Variants in ASIC2 observed in about 807,000 individuals in gnomAD.
ASIC2 encodes acid-sensing ion channel 2.
Under a neutral mutation model 57.3 loss-of-function variants are expected in ASIC2, and 25 were observed. That is an observed-to-expected ratio of 0.44 (90% confidence interval 0.32 to 0.61). ASIC2 has a LOEUF of 0.61. Ranked by LOEUF, ASIC2 falls within the 20% of genes least tolerant of loss-of-function variation. The pLI is 0.06. For synonymous variants in ASIC2, 319 were observed against 307.5 expected, an observed-to-expected ratio of 1.04 and a Z score of -0.39; for missense variants, 641 against 738.1, an observed-to-expected ratio of 0.87 and a Z score of 1.52.
At position 34,144,460 on chromosome 17, in the gene ASIC2, G is replaced by A. The variant is rs140566281; in HGVS notation, c.555+11518C>T. ...TGTCAATATAGATTTCCAAAAAATC[G>A]TCTTGCTCCTGGATCTCCTGTCACT... On this transcript the variant is annotated intron_variant, in intron 1 of 9. Coordinates refer to the ASIC2 transcript ENST00000359872. Among the ~76,000 whole-genome samples the A allele has an allele frequency of 2.3e-3, 357 of 152,206 alleles. 1 individual carries two copies. The highest frequency in any genetic ancestry group is 8.1e-3 in the African/African-American group (337 of 41,518).
chr17:33,475,925 C>T lies in ASIC2; in HGVS notation c.556-363858G>A, dbSNP rs17249521. On this transcript the variant is annotated intron_variant, in intron 1 of 9. Transcript: ENST00000359872. Reference sequence around the variant, plus strand: ...TCTTGCAATTTTGATCCATTCTCCACGTCTAGCATCATTATAATTATCAAA... The same window carrying T: ...TCTTGCAATTTTGATCCATTCTCCATGTCTAGCATCATTATAATTATCAAA... Among the ~76,000 whole-genome samples, 1,398 of 152,268 alleles carry T rather than the reference C, an allele frequency of 9.2e-3. 54 individuals carry two copies. In the East Asian group the frequency reaches 0.098, roughly 11 times the overall value.
At chr17:33,674,450 G>A (rs1907747172) in intron 1 of ASIC2, among the ~76,000 whole-genome samples, 1 of 152,202 alleles carries the variant, frequency 6.6e-6, no homozygotes, top group African/African-American at 2.4e-5. Context: ...ATGATTGAAG[G>A]AATAACTGAA....
intron 1 of ASIC2, among the ~76,000 whole-genome samples, chr17:33,204,472 T>C (rs1906988718): frequency 6.6e-6 from 1 of 152,238 alleles, no homozygotes; most frequent in African/African-American, 2.4e-5. Context: ...GTCTACTGCC[T>C]GATATCCATT....
intron 1 of ASIC2, among the ~76,000 whole-genome samples, chr17:34,098,338 A>G (rs1910621568): frequency 6.6e-6 from 1 of 152,218 alleles, no homozygotes; most frequent in South Asian, 2.1e-4. Context: ...AAGTGAACAC[A>G]CCACAGTTCA....
At chr17:33,418,071 T>G (rs1910921559) in intron 1 of ASIC2, among the ~76,000 whole-genome samples, 1 of 142,140 alleles carries the variant, frequency 7.0e-6, no homozygotes, top group Non-Finnish European at 1.5e-5. Flanking sequence ...TGTGTGTGTG[T>G]GTGTGTGCAG....
At chr17:33,353,071 C>T (rs1349106202) in intron 1 of ASIC2, among the ~76,000 whole-genome samples, 2 of 152,134 alleles carry the variant, frequency 1.3e-5, no homozygotes, top group Non-Finnish European at 2.9e-5. Context: ...TCCCAGAGCC[C>T]AGCACAATAC....
chr17:33,452,306 C>A (rs1212020435), intron 1 of ASIC2, among the ~76,000 whole-genome samples: 1 of 152,234 alleles, frequency 6.6e-6, no homozygotes, highest in African/African-American at 2.4e-5. Context: ...GTTTCCAAAT[C>A]TGCAAGATGG....
chr17:33,765,227 T>C (rs1597867054), intron 1 of ASIC2, among the ~76,000 whole-genome samples: 2 of 151,990 alleles, frequency 1.3e-5, no homozygotes, highest in African/African-American at 2.4e-5. Flanking sequence ...TGCCTCAACC[T>C]CCCGAGTAGC....
chr17:33,407,379 A>G (rs1288182352), intron 1 of ASIC2, among the ~76,000 whole-genome samples: 2 of 152,228 alleles, frequency 1.3e-5, no homozygotes, highest in Admixed American at 6.5e-5. Flanking sequence ...AGGCACTCAT[A>G]TAATAACAAC....
chr17:33,979,254 C>T (rs1281858774), intron 1 of ASIC2, among the ~76,000 whole-genome samples: 3 of 152,176 alleles, frequency 2.0e-5, no homozygotes, highest in Admixed American at 6.5e-5. Context: ...ATTCACACTA[C>T]CTGCCTCTAT....
In ASIC2 at chr17:33,710,407, A is replaced by G. The variant is rs1908991331; in HGVS notation, c.555+445571T>C. Among the ~76,000 whole-genome samples, 3 of 152,210 alleles carry G rather than the reference A, an allele frequency of 2.0e-5. No individual in the cohort carries two copies. In the East Asian group the frequency reaches 5.8e-4, roughly 29 times the overall value. The stretch of plus-strand genomic sequence containing the variant: ...AAGTGCCGCAGGGAGCTGACTGGAT[A>G]ATGGAGGAAACAGGTCCGGAAATCC... On this transcript the variant is annotated intron_variant, in intron 1 of 9. Transcript: ENST00000359872.
intron 1 of ASIC2, among the ~76,000 whole-genome samples, chr17:34,032,772 T>C (rs1161779177): frequency 6.6e-6 from 1 of 152,150 alleles, no homozygotes; most frequent in East Asian, 1.9e-4. Flanking sequence ...AAGAAGGCCA[T>C]TACATAAAGG....
At chr17:33,102,146 T>C (rs556635751) in intron 2 of ASIC2, among the ~76,000 whole-genome samples, 1 of 152,340 alleles carries the variant, frequency 6.6e-6, no homozygotes, top group South Asian at 2.1e-4. Flanking sequence ...ATGCAATCCT[T>C]GATTTACCTT....
chr17:33,510,012 T>G (rs1373394306), intron 1 of ASIC2, among the ~76,000 whole-genome samples: 3 of 152,180 alleles, frequency 2.0e-5, no homozygotes, highest in African/African-American at 7.2e-5. Context: ...TCCCTTCTCT[T>G]TAAATAGCCC....
intron 1 of ASIC2, among the ~76,000 whole-genome samples, chr17:33,962,298 G>A (rs964063764): frequency 6.6e-5 from 10 of 152,196 alleles, no homozygotes; most frequent in African/African-American, 2.4e-4. Context: ...TGAGGCAGGG[G>A]TGTGTATCAA....
At chr17:33,255,601 G>A (rs573527726) in intron 1 of ASIC2, among the ~76,000 whole-genome samples, 1 of 140,662 alleles carries the variant, frequency 7.1e-6, no homozygotes, top group South Asian at 2.6e-4. Context: ...TCGGAGGGAC[G>A]GGGGGGTGGA....
intron 1 of ASIC2, among the ~76,000 whole-genome samples, chr17:33,947,277 C>T (rs1904408403): frequency 6.6e-6 from 1 of 152,174 alleles, no homozygotes; most frequent in Non-Finnish European, 1.5e-5. Context: ...AAGAGTGTTG[C>T]CTGTCTGTGG....
chr17:33,431,933 A>G (rs1321177385), intron 1 of ASIC2, among the ~76,000 whole-genome samples: 4 of 152,248 alleles, frequency 2.6e-5, no homozygotes, highest in South Asian at 4.1e-4. Flanking sequence ...AGACATTAAG[A>G]AAATGATGCA....
intron 3 of ASIC2, among the ~76,000 whole-genome samples, chr17:33,059,988 C>G (rs139811344): frequency 0.26 from 39,658 of 151,966 alleles, 5,415 homozygotes; most frequent in African/African-American, 0.32. Flanking sequence ...ATATCCTTTG[C>G]CCACTTTTTG....
Sources: allele counts gnomAD v4.1 joint callset (sites outside exome capture counted in the v4.1 genomes callset), GRCh38; gene constraint gnomAD v4.1.1; transcripts MANE v1.5; gene names NCBI Gene and HGNC (gene_info 2026-07-23, HGNC 2026-07-21).